Variants in STAM2 observed in about 807,000 individuals in gnomAD.
STAM2 encodes the protein signal transducing adapter molecule 2.
STAM2 carries 51 observed loss-of-function variants against 65.6 expected under a neutral mutation model. That is an observed-to-expected ratio of 0.78 (90% CI 0.62 to 0.98). The LOEUF (loss-of-function observed/expected upper bound fraction) is 0.98. STAM2 is among the 50% of genes least tolerant of loss of function. The pLI is 0.00. For missense variants in STAM2, 584 were observed against 617.8 expected, an observed-to-expected ratio of 0.95 and a Z score of 0.58; for synonymous variants, 198 against 208.4, an observed-to-expected ratio of 0.95 and a Z score of 0.43.
At chr2:152,135,969 A>C (rs573596372) in intron 7 of STAM2, among the ~76,000 whole-genome samples, 2 of 152,036 alleles carry the variant, frequency 1.3e-5, no homozygotes, top group Admixed American at 1.3e-4. Context: ...ACACACCTGT[A>C]GTCCCAGCTA....
chr2:152,135,974 C>T (rs1689146353), intron 7 of STAM2, among the ~76,000 whole-genome samples: 1 of 151,476 alleles, frequency 6.6e-6, no homozygotes, highest in Non-Finnish European at 1.5e-5. Flanking sequence ...CCTGTAGTCC[C>T]AGCTACTTGG....
intron 1 of STAM2, among the ~76,000 whole-genome samples, chr2:152,166,265 T>C (rs926891091): frequency 6.6e-6 from 1 of 152,110 alleles, no homozygotes; most frequent in African/African-American, 2.4e-5. Flanking sequence ...AGTGACAAAT[T>C]TCTGACATAA....
intron 1 of STAM2, among the ~76,000 whole-genome samples, chr2:152,159,643 C>T (rs1043843787): frequency 6.6e-6 from 1 of 152,160 alleles, no homozygotes; most frequent in African/African-American, 2.4e-5. Context: ...CCACTGGGGG[C>T]ATATTTTTCC....
chr2:152,120,963 A>C lies in STAM2; in HGVS notation c.1350-161T>G, dbSNP rs540833527. Among the ~76,000 whole-genome samples, 15 of 152,248 alleles carry C rather than the reference A, an allele frequency of 9.9e-5. No homozygotes were observed. The South Asian group carries it at 3.1e-3, about 32-fold the overall frequency. On this transcript the variant is annotated intron_variant, in intron 13 of 13. Transcript: ENST00000263904. ...ATCATTCCAGCCATTGAATACTGTT[A>C]ATCAAATTTTCTTCTTCTTATTTTT...
At chr2:152,152,097 C>T (rs1460500359) in intron 1 of STAM2, among the ~76,000 whole-genome samples, 1 of 152,118 alleles carries the variant, frequency 6.6e-6, no homozygotes, top group African/African-American at 2.4e-5. Context: ...TGCACCATCA[C>T]GCCCAACTAA....
At chr2:152,128,297 C>G (rs551964260) in intron 11 of STAM2, among the ~76,000 whole-genome samples, 12 of 152,014 alleles carry the variant, frequency 7.9e-5, no homozygotes, top group African/African-American at 2.7e-4. Context: ...GTCCCAGCTA[C>G]ACGGGAGGCT....
intron 1 of STAM2, among the ~76,000 whole-genome samples, chr2:152,169,856 C>CTT (rs534239660): frequency 2.4e-4 from 34 of 142,260 alleles, no homozygotes; most frequent in East Asian, 2.1e-3. Flanking sequence ...AAGAGCTACA[C>CTT]TTTTTTTTTT....
chr2:152,149,143 G>A (rs957421298), intron 2 of STAM2, among the ~76,000 whole-genome samples: 2 of 151,868 alleles, frequency 1.3e-5, no homozygotes, highest in Non-Finnish European at 2.9e-5. Context: ...ATTATTTGAA[G>A]ACTTTTTTGT....
In STAM2 at chr2:152,123,928, G is replaced by T. The variant is rs1688907705; in HGVS notation, c.1187C>A (p.Pro396Gln). The change falls in exon 13 of 14, where the codon CCA becomes CAA. Residue 396 changes from proline to glutamine, a missense_variant. By Grantham distance (76) the Pro-to-Gln change is moderately conservative. Coordinates refer to ENST00000263904, the MANE Select transcript of STAM2 (RefSeq NM_005843.6). ...ASSGVPMQTYPVQSHGGNYMG... is the reference protein window; with the variant it reads ...ASSGVPMQTYQVQSHGGNYMG... ...ATAGTTTCCACCATGTGATTGAACT[G>T]GATATGTCTATTAATCAGAAAGAAA... is the stretch of plus-strand genomic sequence containing the variant. 6.2e-7 allele frequency: 1 copy of T among 1,613,108 alleles called. No homozygotes were observed. Among genetic ancestry groups the T allele is most frequent in the African/African-American group, 1.3e-5 (1 of 74,804 alleles).
At chr2:152,153,666 G>A (rs1031802996) in intron 1 of STAM2, among the ~76,000 whole-genome samples, 1 of 152,054 alleles carries the variant, frequency 6.6e-6, no homozygotes, top group East Asian at 1.9e-4. Context: ...TACCTACTCA[G>A]GTTTTCACCT....
intron 12 of STAM2, 153 bp downstream of exon 12, chr2:152,126,069 GTTAA>G (rs1270772798): frequency 5.0e-6 from 3 of 604,956 alleles, no homozygotes; most frequent in Non-Finnish European, 7.7e-6. Flanking sequence ...TCTGGTGAAT[GTTAA>G]TTGTTTAGCC....
At chr2:152,148,326 CAGTT>C (rs759223726) in intron 2 of STAM2, 26 bp from the exon 3 acceptor site, 1 of 1,497,652 alleles carries the variant, frequency 6.7e-7, no homozygotes, top group African/African-American at 1.4e-5. Flanking sequence ...GAGAGAGAGA[CAGTT>C]AAGTATTTAC....
Position 152,120,485 on chromosome 2 carries a change from G to A in STAM2, c.*89C>T. ...TATTCATGGTCCTTTTGAGTTGAGA[G>A]GGAAAAAAGTTTTAATATTTTCAGG... On this transcript the variant is annotated 3_prime_UTR_variant, in exon 14 of 14. Coordinates refer to ENST00000263904, the MANE Select transcript of STAM2 (RefSeq NM_005843.6). The A allele has an allele frequency of 8.9e-7, 1 of 1,127,218 alleles. No individual in the cohort carries two copies. Among genetic ancestry groups the A allele is most frequent in the East Asian group, 2.5e-5 (1 of 39,298 alleles). The allele number at this position is 1,127,218 out of a possible 1,614,324, so 69.8% of individuals were successfully genotyped here.
At chr2:152,150,618 T>C (rs1377172943) in intron 1 of STAM2, among the ~76,000 whole-genome samples, 2 of 152,278 alleles carry the variant, frequency 1.3e-5, no homozygotes, top group African/African-American at 4.8e-5. Flanking sequence ...CTGGGCAATA[T>C]AGATAGACCC....
intron 2 of STAM2, among the ~76,000 whole-genome samples, chr2:152,149,310 T>A (rs1214278293): frequency 2.0e-5 from 3 of 152,136 alleles, no homozygotes; most frequent in African/African-American, 4.8e-5. Flanking sequence ...AGATTTTCAG[T>A]TGAACTCTTT....
At chr2:152,133,538 T>C in intron 8 of STAM2, 54 bp from the exon 9 acceptor site, 1 of 1,413,290 alleles carries the variant, frequency 7.1e-7, no homozygotes, top group Non-Finnish European at 9.9e-7. Flanking sequence ...GTAATTTTAG[T>C]CATTAATTTA....
At chr2:152,120,867 C>G in intron 13 of STAM2, 65 bp from the exon 14 acceptor site, 1 of 1,289,850 alleles carries the variant, frequency 7.8e-7, no homozygotes, top group Non-Finnish European at 1.1e-6. Context: ...AGAGATCAAT[C>G]ATCATGACAA....
At chr2:152,150,026 C>T (rs1689412640) in intron 2 of STAM2, 119 bp downstream of exon 2, 9 of 684,060 alleles carry the variant, frequency 1.3e-5, no homozygotes, top group Non-Finnish European at 1.8e-5. Context: ...CAGTTTAAAT[C>T]TGTGTTGTTC....
In STAM2 at chr2:152,175,666, C is replaced by A; in HGVS notation, c.-24G>T. Reference sequence around the variant, plus strand: ...ATCTCGCCGGCGCCCGAGCCCTAGTCGCTGCTGTCTAGCTGACACTCAGCA... The same window carrying A: ...ATCTCGCCGGCGCCCGAGCCCTAGTAGCTGCTGTCTAGCTGACACTCAGCA... On this transcript the variant is annotated 5_prime_UTR_variant, in exon 1 of 14. Transcript: ENST00000263904. 14 of 1,604,848 alleles carry A rather than the reference C, an allele frequency of 8.7e-6. No individual in the cohort carries two copies. The highest frequency in any genetic ancestry group is 1.2e-5 in the Non-Finnish European group (14 of 1,175,988).
Sources: gnomAD v4.1 joint callset for allele counts (sites outside exome capture counted in the v4.1 genomes callset) on GRCh38, gnomAD v4.1.1 for gene constraint, MANE v1.5 for transcripts, NCBI Gene and HGNC (gene_info 2026-07-23, HGNC 2026-07-21) for gene names.